Variants in DNER observed in about 807,000 individuals in gnomAD.
DNER encodes delta/notch like EGF repeat containing.
A neutral mutation model predicts 78.2 loss-of-function variants in DNER; 33 were observed. That is an observed-to-expected ratio of 0.42 (90% confidence interval 0.32 to 0.56). The LOEUF (loss-of-function observed/expected upper bound fraction) is 0.56. DNER is among the 20% of genes least tolerant of loss of function. The pLI, the probability that DNER is intolerant of heterozygous loss-of-function variation, is 0.11. For missense variants in DNER, 918 were observed against 975.3 expected, an observed-to-expected ratio of 0.94 and a Z score of 0.78; for synonymous variants, 417 against 384.8, an observed-to-expected ratio of 1.08 and a Z score of -0.98.
chr2:229,387,927 G>T (rs1274724852), intron 11 of DNER, among the ~76,000 whole-genome samples: 1 of 151,316 alleles, frequency 6.6e-6, no homozygotes, highest in Non-Finnish European at 1.5e-5. Flanking sequence ...CTATTTTTTT[G>T]ATACGATTCT....
chr2:229,679,709 C>A lies in DNER; in HGVS notation c.276+34439G>T, dbSNP rs555464049. Among the ~76,000 whole-genome samples the A allele has an allele frequency of 1.3e-4, 20 of 152,276 alleles. No individual in the cohort carries two copies. In the South Asian group the frequency reaches 3.7e-3, roughly 28 times the overall value. On this transcript the variant is annotated intron_variant, in intron 1 of 12. Transcript: ENST00000341772. ...ATGGCCCATTTGGTATTTGACAATG[C>A]CAATTCCTCTGTCCTCACATTTACT...
Position 229,413,709 on chromosome 2 carries a change from T to G in DNER, c.1609+4399A>C, listed in dbSNP as rs192835019. ...TTTTAGGAGGATAAATATATATACATAGAGAGGGTGTTATATATATAGTGT... is the reference window on the plus strand; with the variant it reads ...TTTTAGGAGGATAAATATATATACAGAGAGAGGGTGTTATATATATAGTGT... On this transcript the variant is annotated intron_variant, in intron 9 of 12. Coordinates refer to ENST00000341772, the MANE Select transcript of DNER (RefSeq NM_139072.4). Among the ~76,000 whole-genome samples the G allele has an allele frequency of 8.5e-3, 1,283 of 151,248 alleles. 22 individuals are homozygous for G. Among genetic ancestry groups the G allele is most frequent in the African/African-American group, 0.029 (1,211 of 41,294 alleles).
intron 6 of DNER, among the ~76,000 whole-genome samples, chr2:229,488,086 T>G (rs1695315508): frequency 6.6e-6 from 1 of 152,202 alleles, no homozygotes; most frequent in Non-Finnish European, 1.5e-5. Flanking sequence ...TCCTCCCTTC[T>G]CCCTGGGAGC....
intron 1 of DNER, among the ~76,000 whole-genome samples, chr2:229,649,931 C>T (rs1203152425): frequency 3.3e-5 from 5 of 151,870 alleles, no homozygotes; most frequent in East Asian, 3.9e-4. Flanking sequence ...AAAAATTAGC[C>T]GGGCGTGGTG....
intron 1 of DNER, among the ~76,000 whole-genome samples, chr2:229,713,275 CAG>C (rs1699935398): frequency 6.6e-6 from 1 of 152,246 alleles, no homozygotes; most frequent in African/African-American, 2.4e-5. Flanking sequence ...ATAGGTTTCA[CAG>C]AGCTTTAACG....
chr2:229,382,750 A>T (rs1692772829), intron 11 of DNER, among the ~76,000 whole-genome samples: 1 of 152,130 alleles, frequency 6.6e-6, no homozygotes, highest in Non-Finnish European at 1.5e-5. Flanking sequence ...CAACGCCTCC[A>T]AAAAATATGG....
At chr2:229,441,211 T>C (rs1379385078) in intron 8 of DNER, among the ~76,000 whole-genome samples, 1 of 152,014 alleles carries the variant, frequency 6.6e-6, no homozygotes, top group Non-Finnish European at 1.5e-5. Flanking sequence ...ATCCAAACAA[T>C]ATTTCAGTGT....
chr2:229,612,569 G>C (rs1443363906), intron 1 of DNER, among the ~76,000 whole-genome samples: 1 of 152,238 alleles, frequency 6.6e-6, no homozygotes, highest in Non-Finnish European at 1.5e-5. Context: ...CTGTCCCTCG[G>C]AAGCTTGCAG....
intron 7 of DNER, among the ~76,000 whole-genome samples, chr2:229,461,596 T>C (rs11891316): frequency 0.38 from 58,228 of 151,810 alleles, 13,075 homozygotes; most frequent in African/African-American, 0.62. Context: ...AATGATGTCA[T>C]ATAAATAATA....
At chr2:229,664,793 C>T (rs1487071907) in intron 1 of DNER, among the ~76,000 whole-genome samples, 2 of 152,166 alleles carry the variant, frequency 1.3e-5, no homozygotes, top group East Asian at 3.8e-4. Flanking sequence ...ACAAGGCATT[C>T]TCCAAAGATT....
chr2:229,541,624 T>G (rs939577195), intron 5 of DNER, among the ~76,000 whole-genome samples: 2 of 152,080 alleles, frequency 1.3e-5, no homozygotes, highest in African/African-American at 4.8e-5. Flanking sequence ...ATAAGCAGAT[T>G]GCCCTTCATA....
At chr2:229,699,106 A>G (rs376666855) in intron 1 of DNER, among the ~76,000 whole-genome samples, 2 of 152,212 alleles carry the variant, frequency 1.3e-5, no homozygotes, top group East Asian at 3.8e-4. Context: ...TTACACCATC[A>G]AAAACTTTTA....
intron 4 of DNER, among the ~76,000 whole-genome samples, chr2:229,554,664 G>T (rs1020625296): frequency 6.6e-6 from 1 of 151,986 alleles, no homozygotes; most frequent in African/African-American, 2.4e-5. Context: ...ATTCCAGCCT[G>T]GGTGACGGAG....
rs1697616761 is a variant in DNER at position 229,591,955 on chromosome 2, T to C, written c.277-67A>G. 4 of 1,445,408 alleles carry C rather than the reference T, an allele frequency of 2.8e-6. No individual in the cohort carries two copies. The highest frequency in any genetic ancestry group is 2.9e-5 in the South Asian group (2 of 68,738). 89.5% of individuals were successfully genotyped at this position (1,445,408 alleles called of 1,614,324 possible). ...AAAAGTGGTGCCATCGCTGGGAAATTAGCTCTGTGTCTCAGAGCGACTGCT... is the reference window on the plus strand; with the variant it reads ...AAAAGTGGTGCCATCGCTGGGAAATCAGCTCTGTGTCTCAGAGCGACTGCT... On this transcript the variant is annotated intron_variant, in intron 1 of 12. Transcript: ENST00000341772. The surrounding 1 kb of genome is among the most constrained non-coding windows in gnomAD (Gnocchi z 4.6).
intron 6 of DNER, among the ~76,000 whole-genome samples, chr2:229,479,768 A>C (rs1695117032): frequency 6.6e-6 from 1 of 151,946 alleles, no homozygotes; most frequent in South Asian, 2.1e-4. Flanking sequence ...TCCATAACTT[A>C]CAGCCTATGT....
intron 1 of DNER, among the ~76,000 whole-genome samples, chr2:229,669,461 G>A (rs960695624): frequency 2.0e-5 from 3 of 151,764 alleles, no homozygotes; most frequent in Non-Finnish European, 4.4e-5. Context: ...AAAGTTAATG[G>A]TAGCTTGATG....
chr2:229,675,293 G>A (rs1699283686), intron 1 of DNER, among the ~76,000 whole-genome samples: 1 of 152,204 alleles, frequency 6.6e-6, no homozygotes, highest in Admixed American at 6.5e-5. Flanking sequence ...ATGTCAGGAT[G>A]AACTGTGGTG....
chr2:229,376,319 C>T (rs372712463), intron 11 of DNER, among the ~76,000 whole-genome samples: 23 of 152,074 alleles, frequency 1.5e-4, no homozygotes, highest in African/African-American at 5.3e-4. Flanking sequence ...CTTGCCCTTC[C>T]ACTATGTGAA....
intron 9 of DNER, among the ~76,000 whole-genome samples, chr2:229,414,768 AG>A (rs1693607938): frequency 6.6e-6 from 1 of 152,164 alleles, no homozygotes; most frequent in African/African-American, 2.4e-5. Context: ...TCCAACCAAG[AG>A]CAAATGGCAG....
Sources: allele counts gnomAD v4.1 joint callset (sites outside exome capture counted in the v4.1 genomes callset), GRCh38; gene constraint gnomAD v4.1.1; non-coding constraint Gnocchi (gnomAD v3.1); transcripts MANE v1.5; gene names NCBI Gene and HGNC (gene_info 2026-07-23, HGNC 2026-07-21).